The following SERGEF variants were observed in gnomAD, a reference collection of about 807,000 sequenced individuals.
SERGEF encodes the protein secretion-regulating guanine nucleotide exchange factor.
A neutral mutation model predicts 50.0 loss-of-function variants in SERGEF; 51 were observed. That is an observed-to-expected ratio of 1.02 (90% CI 0.81 to 1.29). The LOEUF is 1.29. SERGEF is among the 50% of genes most tolerant of loss of function. The probability of loss-of-function intolerance (pLI) is 0.00; values close to 1 mark genes in which losing one functional copy is unlikely to be tolerated. For missense variants in SERGEF, 521 were observed against 557.0 expected (o/e 0.94, Z 0.65); for synonymous variants, 205 against 212.4 (o/e 0.97, Z 0.30).
chr11:17,880,632 T>C (rs1225541784), intron 9 of SERGEF, among the ~76,000 whole-genome samples: 2 of 152,098 alleles, frequency 1.3e-5, no homozygotes, highest in Admixed American at 1.3e-4. Context: ...CCGAATTTTA[T>C]ACAAAATTTT....
At chr11:17,833,652 C>T (rs1246040942) in intron 10 of SERGEF, among the ~76,000 whole-genome samples, 1 of 152,228 alleles carries the variant, frequency 6.6e-6, no homozygotes, top group Non-Finnish European at 1.5e-5. Flanking sequence ...CCTGCAAATC[C>T]ACAGGGGTGG....
At position 18,000,529 on chromosome 11, in the gene SERGEF, G is replaced by A; in HGVS notation, c.476C>T (p.Ala159Val). 6.3e-7 allele frequency: 1 copy of A among 1,588,696 alleles called. No individual in the cohort carries two copies. Among genetic ancestry groups the A allele is most frequent in the Non-Finnish European group, 8.5e-7 (1 of 1,172,510 alleles). ...AGCTACTGCATGCCTCAGTCCAGCA[G>A]CAATACAAACAACCTTCTCTTTATG... Reference protein sequence around the residue: ...ELHKEKVVCIAAGLRHAVAAT... With the variant: ...ELHKEKVVCIVAGLRHAVAAT... The change falls in exon 5 of 11, where the codon GCT (alanine) becomes GTT (valine). Residue 159 changes from alanine to valine, a missense_variant. Transcript: ENST00000265965.
Position 17,988,697 on chromosome 11 carries a change from A to C in SERGEF, c.744T>G (p.Ala248=). 1.2e-6 allele frequency: 2 copies of C among 1,614,180 alleles called. No individual in the cohort carries two copies. The highest frequency in any genetic ancestry group is 1.7e-6 in the Non-Finnish European group (2 of 1,180,008). Reference sequence around the variant, plus strand: ...TTTTCTGGGGCACAGGAAGGAAAGCAGCCTCATTAGCCAGTTGCCCATGCT... The same window carrying C: ...TTTTCTGGGGCACAGGAAGGAAAGCCGCCTCATTAGCCAGTTGCCCATGCT... The part of the protein sequence containing the change: ...SNKHGQLANE[A]AFLPVPQKIE... Residue 248 remains alanine (A), a synonymous_variant, in exon 8 of 11, where the codon GCT becomes GCG. Coordinates refer to ENST00000265965, the MANE Select transcript of SERGEF (RefSeq NM_012139.4).
intron 1 of SERGEF, 177 bp downstream of exon 1, chr11:18,012,774 T>C: frequency 7.8e-7 from 1 of 1,285,096 alleles, no homozygotes; most frequent in East Asian, 2.9e-5. Flanking sequence ...GACCCTTCCT[T>C]CCCCGCCCGC....
chr11:17,801,750 G>A (rs183929734), intron 10 of SERGEF, among the ~76,000 whole-genome samples: 1 of 152,258 alleles, frequency 6.6e-6, no homozygotes. Context: ...CCTGAGACCT[G>A]GGAAACCGTG....
chr11:17,958,129 T>C (rs1723777587), intron 9 of SERGEF, among the ~76,000 whole-genome samples: 2 of 152,104 alleles, frequency 1.3e-5, no homozygotes. Flanking sequence ...AACCCAGCAC[T>C]ACGAAAAGGC....
chr11:17,804,882 T>C (rs1398804625), intron 10 of SERGEF, among the ~76,000 whole-genome samples: 1 of 152,206 alleles, frequency 6.6e-6, no homozygotes, highest in Non-Finnish European at 1.5e-5. Context: ...GAACCATTGG[T>C]CTAAAAGCCT....
chr11:17,854,547 T>C (rs1850779063), intron 10 of SERGEF, among the ~76,000 whole-genome samples: 1 of 152,182 alleles, frequency 6.6e-6, no homozygotes, highest in Non-Finnish European at 1.5e-5. Context: ...TGACTAGCAA[T>C]GGCTTTCAAA....
intron 10 of SERGEF, among the ~76,000 whole-genome samples, chr11:17,830,239 T>A (rs1850268935): frequency 6.6e-6 from 1 of 152,230 alleles, no homozygotes; most frequent in Non-Finnish European, 1.5e-5. Flanking sequence ...CTGGCACATA[T>A]TAGGCACTCA....
chr11:17,906,574 C>T (rs1024827234), intron 9 of SERGEF, among the ~76,000 whole-genome samples: 1 of 152,170 alleles, frequency 6.6e-6, no homozygotes. Flanking sequence ...GCTGTGGCCA[C>T]CTGCCGCCTC....
intron 9 of SERGEF, among the ~76,000 whole-genome samples, chr11:17,907,187 A>G (rs1356382143): frequency 4.1e-5 from 6 of 144,776 alleles, no homozygotes; most frequent in Non-Finnish European, 9.0e-5. Context: ...AAAAAAATGT[A>G]CTTTCATCAG....
intron 4 of SERGEF, chr11:18,001,908 T>C (rs2134009192): frequency 2.2e-6 from 1 of 446,294 alleles, no homozygotes; most frequent in East Asian, 7.0e-5. Context: ...CTTTCTAAAC[T>C]TTAGGACCCT....
At chr11:17,853,982 C>T (rs2133875070) in intron 10 of SERGEF, 1 of 144,222 alleles carries the variant, frequency 6.9e-6, no homozygotes, top group Admixed American at 7.2e-5. Context: ...GATCACACCA[C>T]TGCACTCCAG....
At chr11:17,942,984 T>C (rs1256392089) in intron 9 of SERGEF, among the ~76,000 whole-genome samples, 1 of 152,168 alleles carries the variant, frequency 6.6e-6, no homozygotes, top group Admixed American at 6.5e-5. Flanking sequence ...TAAATATTAA[T>C]GGATTTGATT....
chr11:17,850,654 G>A (rs1243187124), intron 10 of SERGEF, among the ~76,000 whole-genome samples: 1 of 152,168 alleles, frequency 6.6e-6, no homozygotes, highest in Non-Finnish European at 1.5e-5. Context: ...AAACCAAGAG[G>A]TTAATACTCT....
intron 10 of SERGEF, among the ~76,000 whole-genome samples, chr11:17,831,262 G>C (rs1288226095): frequency 6.6e-6 from 1 of 152,180 alleles, no homozygotes; most frequent in Non-Finnish European, 1.5e-5. Context: ...GATGCAAGTG[G>C]TCTACAGACC....
chr11:17,906,875 C>T (rs929826700), intron 9 of SERGEF, among the ~76,000 whole-genome samples: 17 of 148,824 alleles, frequency 1.1e-4, no homozygotes, highest in Non-Finnish European at 2.2e-4. Context: ...TCATGTCTTT[C>T]GATCTTATGA....
intron 10 of SERGEF, among the ~76,000 whole-genome samples, chr11:17,830,907 G>T (rs972988632): frequency 3.9e-5 from 6 of 152,058 alleles, no homozygotes; most frequent in African/African-American, 4.8e-5. Context: ...CCATTTACTG[G>T]TTTTCAGTGT....
chr11:17,821,345 C>G (rs1447846268), intron 10 of SERGEF, among the ~76,000 whole-genome samples: 2 of 152,138 alleles, frequency 1.3e-5, no homozygotes, highest in South Asian at 4.1e-4. Flanking sequence ...TATGCTAATA[C>G]ACACTGCCTA....
Sources: gnomAD v4.1 joint callset for allele counts (sites outside exome capture counted in the v4.1 genomes callset) on GRCh38, gnomAD v4.1.1 for gene constraint, MANE v1.5 for transcripts, NCBI Gene and HGNC (gene_info 2026-07-23, HGNC 2026-07-21) for gene names.